Variants in CLSTN2 observed in about 807,000 individuals in gnomAD.
CLSTN2 encodes calsyntenin 2, also known as calsyntenin-2.
In CLSTN2, 48 loss-of-function variants were observed where a neutral mutation model predicts 101.2. The ratio of observed to expected loss-of-function variants is 0.47; its 90% CI spans 0.38 to 0.60. CLSTN2 has a LOEUF of 0.60. Ranked by LOEUF, CLSTN2 falls within the 20% of genes least tolerant of loss-of-function variation. The pLI is 0.00. For missense variants in CLSTN2, 1,160 were observed against 1,238.2 expected (o/e 0.94, Z 0.95); for synonymous variants, 481 against 463.6 (o/e 1.04, Z -0.48).
At chr3:140,535,153 C>T (rs1246991924) in intron 9 of CLSTN2, among the ~76,000 whole-genome samples, 1 of 152,236 alleles carries the variant, frequency 6.6e-6, no homozygotes, top group African/African-American at 2.4e-5. Context: ...CACGTGCACA[C>T]ATACCATACA....
At chr3:140,107,996 G>A (rs572999858) in intron 1 of CLSTN2, among the ~76,000 whole-genome samples, 17 of 152,270 alleles carry the variant, frequency 1.1e-4, no homozygotes, top group South Asian at 2.1e-4. Context: ...CATTGTTCTC[G>A]TGCCATTGTG....
chr3:140,447,742 G>A (rs1227585554), intron 5 of CLSTN2, among the ~76,000 whole-genome samples: 2 of 152,066 alleles, frequency 1.3e-5, no homozygotes, highest in African/African-American at 4.8e-5. Context: ...AAATGACCAC[G>A]TGAGGCAAAG....
chr3:140,216,938 G>A (rs2010928779), intron 2 of CLSTN2, among the ~76,000 whole-genome samples: 1 of 152,144 alleles, frequency 6.6e-6, no homozygotes, highest in Admixed American at 6.5e-5. Context: ...CTAACTCATA[G>A]TCCTTATAAA....
intron 5 of CLSTN2, among the ~76,000 whole-genome samples, chr3:140,429,832 C>G (rs530612119): frequency 6.6e-6 from 1 of 152,250 alleles, no homozygotes; most frequent in South Asian, 2.1e-4. Flanking sequence ...AGGCAAATCT[C>G]ATGAGACTCC....
At chr3:140,221,122 A>T (rs1395924996) in intron 2 of CLSTN2, among the ~76,000 whole-genome samples, 1 of 152,186 alleles carries the variant, frequency 6.6e-6, no homozygotes, top group Admixed American at 6.5e-5. Flanking sequence ...AGCTCAGGGG[A>T]CCCTGGTAGA....
chr3:140,124,602 T>G (rs1308143239), intron 1 of CLSTN2, among the ~76,000 whole-genome samples: 1 of 152,114 alleles, frequency 6.6e-6, no homozygotes, highest in Non-Finnish European at 1.5e-5. Context: ...ACTGAATGGA[T>G]AGCAGTGCCA....
chr3:140,036,309 C>T lies in CLSTN2; in HGVS notation c.109+100826C>T, dbSNP rs539449585. Among the ~76,000 whole-genome samples the T allele has an allele frequency of 4.6e-5, 7 of 152,228 alleles. No individual in the cohort carries two copies. In the South Asian group the frequency reaches 1.5e-3, roughly 32 times the overall value. ...ACTGTTTCCATGTCATTAATTAAAA[C>T]AATTATAGTCCAGCCCCAAATCCAT... On this transcript the variant is annotated intron_variant, in intron 1 of 16. Transcript: ENST00000458420.
At chr3:140,467,061 C>T (rs1481222557) in intron 8 of CLSTN2, among the ~76,000 whole-genome samples, 1 of 152,204 alleles carries the variant, frequency 6.6e-6, no homozygotes, top group African/African-American at 2.4e-5. Context: ...TCTGTTAGCA[C>T]ATCTTTAAAT....
intron 2 of CLSTN2, among the ~76,000 whole-genome samples, chr3:140,203,374 A>G (rs1336010950): frequency 1.3e-5 from 2 of 149,906 alleles, no homozygotes; most frequent in African/African-American, 4.9e-5. Flanking sequence ...GGCAGGACCC[A>G]CTCCATTTTT....
rs1046768715 is a variant in CLSTN2, at chr3:140,118,881, A to G, written c.110-57070A>G. ...ATCATTATTATCACTTCATTTACTA[A>G]CAGTTCCTCTGGTGGTGGTCTTATA... On this transcript the variant is annotated intron_variant, in intron 1 of 16. Transcript: ENST00000458420. Among the ~76,000 whole-genome samples, 60 of 152,286 alleles carry G rather than the reference A, an allele frequency of 3.9e-4. 1 individual carries two copies. The highest frequency in any genetic ancestry group is 1.4e-3 in the African/African-American group (60 of 41,548).
At chr3:140,011,047 G>A (rs1258601599) in intron 1 of CLSTN2, among the ~76,000 whole-genome samples, 1 of 152,148 alleles carries the variant, frequency 6.6e-6, no homozygotes, top group African/African-American at 2.4e-5. Context: ...CTGCAAAGGG[G>A]CATGTCACCA....
chr3:140,156,087 T>A (rs1365582915), intron 1 of CLSTN2, among the ~76,000 whole-genome samples: 1 of 152,168 alleles, frequency 6.6e-6, no homozygotes, highest in Non-Finnish European at 1.5e-5. Context: ...ATTTCTTTCC[T>A]CCCTCATCCC....
intron 2 of CLSTN2, among the ~76,000 whole-genome samples, chr3:140,303,661 A>G (rs1368024151): frequency 6.6e-6 from 1 of 152,082 alleles, no homozygotes; most frequent in African/African-American, 2.4e-5. Context: ...TGTCTGTAAA[A>G]TGTTCCAGAA....
chr3:140,332,768 CAAG>C (rs10549197), intron 2 of CLSTN2, among the ~76,000 whole-genome samples: 2,704 of 150,916 alleles, frequency 0.018, 74 homozygotes, highest in African/African-American at 0.06. Context: ...AGGTAGGAGA[CAAG>C]GAGGAGTAAG....
intron 2 of CLSTN2, among the ~76,000 whole-genome samples, chr3:140,284,971 G>T (rs964960653): frequency 1.3e-5 from 2 of 152,072 alleles, no homozygotes; most frequent in East Asian, 3.9e-4. Context: ...AGGCTTGCAT[G>T]CAGGTTTATT....
At position 140,285,891 on chromosome 3, in the gene CLSTN2, G is replaced by C. The variant is rs2086891409; in HGVS notation, c.232+109818G>C. On this transcript the variant is annotated intron_variant, in intron 2 of 16. Transcript: ENST00000458420. ...AATACTGGACAAACGGTTACAAGTAGAACACTCAGGTTGGAGGGCAAGAGT... is the reference window on the plus strand; with the variant it reads ...AATACTGGACAAACGGTTACAAGTACAACACTCAGGTTGGAGGGCAAGAGT... Among the ~76,000 whole-genome samples, 4 of 152,170 alleles carry C rather than the reference G, an allele frequency of 2.6e-5. No homozygotes were observed. In the South Asian group the frequency reaches 8.3e-4, roughly 32 times the overall value.
chr3:140,310,676 T>C (rs1364214880), intron 2 of CLSTN2, among the ~76,000 whole-genome samples: 1 of 152,132 alleles, frequency 6.6e-6, no homozygotes, highest in Non-Finnish European at 1.5e-5. Context: ...TTCTATTTTA[T>C]TTTTTTCTAA....
intron 8 of CLSTN2, among the ~76,000 whole-genome samples, chr3:140,514,974 A>G (rs183436775): frequency 2.6e-5 from 4 of 152,248 alleles, no homozygotes; most frequent in Admixed American, 1.3e-4. Context: ...TGAAAGTCTG[A>G]TAAAATTCAG....
At chr3:140,455,888 G>T (rs1191246239) in intron 6 of CLSTN2, among the ~76,000 whole-genome samples, 1 of 152,174 alleles carries the variant, frequency 6.6e-6, no homozygotes, top group Non-Finnish European at 1.5e-5. Flanking sequence ...ATGGTTTCTG[G>T]CAGGCAACAT....
Sources: allele counts gnomAD v4.1 joint callset (sites outside exome capture counted in the v4.1 genomes callset), GRCh38; gene constraint gnomAD v4.1.1; transcripts MANE v1.5; gene names NCBI Gene and HGNC (gene_info 2026-07-23, HGNC 2026-07-21).